Variants in FBXO36 observed in about 807,000 individuals in gnomAD.
The protein encoded by FBXO36 is F-box only protein 36.
A neutral mutation model predicts 17.0 loss-of-function variants in FBXO36; 18 were observed. That is an observed-to-expected ratio of 1.06 (90% CI 0.73 to 1.57). The LOEUF is 1.57. Ranked by LOEUF, FBXO36 falls within the 40% of genes most tolerant of loss-of-function variation. The pLI is 0.00. For missense variants in FBXO36, 229 were observed against 221.9 expected, an observed-to-expected ratio of 1.03 and a Z score of -0.20; for synonymous variants, 83 against 85.3, an observed-to-expected ratio of 0.97 and a Z score of 0.15.
chr2:229,973,944 G>T (rs1177100984), intron 1 of FBXO36, among the ~76,000 whole-genome samples: 1 of 151,960 alleles, frequency 6.6e-6, no homozygotes, highest in East Asian at 1.9e-4. Context: ...CAGCTACTCA[G>T]GAGGCTGAGA....
intron 1 of FBXO36, chr2:229,932,849 C>A: frequency 3.2e-6 from 1 of 316,954 alleles, no homozygotes; most frequent in Non-Finnish European, 6.7e-6. Flanking sequence ...CCAGGTGGAT[C>A]ACGACGTCTG....
In FBXO36 at chr2:229,963,152, G is replaced by C. The variant is rs138398368; in HGVS notation, c.97-13089G>C. Among the ~76,000 whole-genome samples the C allele has an allele frequency of 2.0e-3, 298 of 151,550 alleles. 1 individual carries two copies. Among genetic ancestry groups the C allele is most frequent in the African/African-American group, 6.9e-3 (286 of 41,282 alleles). On this transcript the variant is annotated intron_variant, in intron 1 of 3. Transcript: ENST00000283946. ...ATGATCTCTGTTTGCTGCAACCTCC[G>C]CCTCCCAGGTTCAAGCGATTCTTCT...
At chr2:229,973,291 AGT>A (rs2077190499) in intron 1 of FBXO36, 2 of 152,104 alleles carry the variant, frequency 1.3e-5, no homozygotes, top group South Asian at 4.1e-4. Flanking sequence ...AGAAAAAATA[AGT>A]GTTAGAAAAT....
At chr2:229,943,308 T>C (rs368544149) in intron 1 of FBXO36, 1 of 152,120 alleles carries the variant, frequency 6.6e-6, no homozygotes, top group East Asian at 1.9e-4. Context: ...GTTAAGAGGG[T>C]TTTCCATCAC....
intron 1 of FBXO36, among the ~76,000 whole-genome samples, chr2:229,946,004 G>A (rs1172410397): frequency 1.3e-5 from 2 of 150,560 alleles, no homozygotes; most frequent in Non-Finnish European, 3.0e-5. Context: ...CCTGGGTAAC[G>A]AGAGCGAAAC....
chr2:230,001,980 G>A (rs2077361593), intron 3 of FBXO36, among the ~76,000 whole-genome samples: 1 of 152,090 alleles, frequency 6.6e-6, no homozygotes, highest in Non-Finnish European at 1.5e-5. Context: ...ACCACACCTG[G>A]CTAATTTTAT....
At chr2:229,994,073 A>G (rs923911492) in intron 2 of FBXO36, among the ~76,000 whole-genome samples, 2 of 152,112 alleles carry the variant, frequency 1.3e-5, no homozygotes, top group African/African-American at 4.8e-5. Context: ...CGCCTGGCCA[A>G]CTTTTACACT....
intron 1 of FBXO36, among the ~76,000 whole-genome samples, chr2:229,974,492 T>C (rs1292823698): frequency 6.6e-6 from 1 of 152,186 alleles, no homozygotes; most frequent in Admixed American, 6.6e-5. Context: ...GTATAAGGAA[T>C]GTCGAAATAA....
At chr2:229,990,601 T>G (rs1461905147) in intron 2 of FBXO36, among the ~76,000 whole-genome samples, 1 of 152,202 alleles carries the variant, frequency 6.6e-6, no homozygotes. Context: ...GGTCAAAATT[T>G]GTTTACTTTT....
At chr2:229,922,660 G>T (rs376734071) in intron 1 of FBXO36, 51 bp downstream of exon 1, 6 of 1,588,554 alleles carry the variant, frequency 3.8e-6, no homozygotes, top group Middle Eastern at 1.7e-4. Context: ...ACCTGGCCCG[G>T]TTGGGGCCCG....
intron 1 of FBXO36, among the ~76,000 whole-genome samples, chr2:229,935,319 G>A (rs1229173196): frequency 6.6e-6 from 1 of 152,102 alleles, no homozygotes; most frequent in East Asian, 1.9e-4. Flanking sequence ...TTGGAACATT[G>A]ACAGTTCACA....
intron 3 of FBXO36, among the ~76,000 whole-genome samples, chr2:230,007,429 T>A (rs2077392964): frequency 6.6e-6 from 1 of 152,102 alleles, no homozygotes; most frequent in Non-Finnish European, 1.5e-5. Context: ...TCTATGATCA[T>A]AATTCCCATG....
At chr2:229,963,444 CTTTTT>C (rs757351541) in intron 1 of FBXO36, among the ~76,000 whole-genome samples, 3 of 129,234 alleles carry the variant, frequency 2.3e-5, no homozygotes, top group Non-Finnish European at 4.9e-5. Flanking sequence ...TTTCTTTTTT[CTTTTT>C]TTTTTTTTTT....
At chr2:229,930,349 A>T (rs960154749) in intron 1 of FBXO36, among the ~76,000 whole-genome samples, 1 of 152,178 alleles carries the variant, frequency 6.6e-6, no homozygotes, top group Non-Finnish European at 1.5e-5. Context: ...TCTTACAGAA[A>T]AATAATTACT....
At chr2:229,980,168 G>C (rs1188596053) in intron 2 of FBXO36, among the ~76,000 whole-genome samples, 2 of 151,916 alleles carry the variant, frequency 1.3e-5, no homozygotes, top group Non-Finnish European at 2.9e-5. Context: ...ATGCCACAGA[G>C]CCCCCGCCCC....
chr2:229,945,776 A>G (rs2077023726), intron 1 of FBXO36, among the ~76,000 whole-genome samples: 1 of 151,204 alleles, frequency 6.6e-6, no homozygotes, highest in South Asian at 2.1e-4. Flanking sequence ...TAATCCCAGC[A>G]CTTTGGGAGG....
At chr2:229,929,036 A>G (rs925748269) in intron 1 of FBXO36, among the ~76,000 whole-genome samples, 3 of 149,370 alleles carry the variant, frequency 2.0e-5, no homozygotes, top group African/African-American at 7.4e-5. Context: ...GTGCAGTGGC[A>G]TGATCTTGGC....
chr2:229,944,783 CG>C (rs1460993988), intron 1 of FBXO36, among the ~76,000 whole-genome samples: 1 of 151,650 alleles, frequency 6.6e-6, no homozygotes, highest in Non-Finnish European at 1.5e-5. Flanking sequence ...TTAGTAGAGA[CG>C]GGGTTTCACC....
chr2:229,982,840 G>A lies in FBXO36; in HGVS notation c.205+6491G>A, dbSNP rs192605687. On this transcript the variant is annotated intron_variant, in intron 2 of 3. Transcript: ENST00000283946. ...TCACATCTGCACAGTTACTTTTGCC[G>A]TGTGAGGTCCCATATTCACAGGGTC... is the stretch of plus-strand genomic sequence containing the variant. 4.3e-4 allele frequency among the ~76,000 whole-genome samples: 65 copies of A among 151,010 alleles called. 1 individual carries two copies. The highest frequency in any genetic ancestry group is 1.3e-3 in the African/African-American group (53 of 41,096).
Sources: gnomAD v4.1 joint callset for allele counts (sites outside exome capture counted in the v4.1 genomes callset) on GRCh38, gnomAD v4.1.1 for gene constraint, MANE v1.5 for transcripts, NCBI Gene and HGNC (gene_info 2026-07-23, HGNC 2026-07-21) for gene names.